TBC1D7: variants seen among roughly 807,000 people sequenced by gnomAD.
The protein encoded by TBC1D7 is TBC1 domain family member 7, also known as TBC domain family 7.
Under a neutral mutation model 35.3 loss-of-function variants are expected in TBC1D7, and 33 were observed. The ratio of observed to expected loss-of-function variants is 0.93; its 90% CI spans 0.71 to 1.25. TBC1D7 has a LOEUF of 1.25. TBC1D7 is among the 50% of genes most tolerant of loss of function. TBC1D7 has a pLI of 0.00. For missense variants in TBC1D7, 362 were observed against 365.3 expected, an observed-to-expected ratio of 0.99 and a Z score of 0.07; for synonymous variants, 135 against 129.5, an observed-to-expected ratio of 1.04 and a Z score of -0.29.
chr6:13,309,222 A>T (rs1783023894), intron 5 of TBC1D7, among the ~76,000 whole-genome samples: 1 of 152,242 alleles, frequency 6.6e-6, no homozygotes, highest in Non-Finnish European at 1.5e-5. Context: ...TTGAAAACAC[A>T]CACACAGAGT....
intron 5 of TBC1D7, among the ~76,000 whole-genome samples, chr6:13,310,292 C>T (rs1783101478): frequency 6.6e-6 from 1 of 152,214 alleles, no homozygotes; most frequent in Admixed American, 6.5e-5. Context: ...ACAATAAAGA[C>T]AGGTTGAATA....
intron 2 of TBC1D7, among the ~76,000 whole-genome samples, chr6:13,325,540 G>A (rs1307313041): frequency 6.6e-6 from 1 of 152,200 alleles, no homozygotes; most frequent in Non-Finnish European, 1.5e-5. Context: ...GCACACACCT[G>A]TGATCCCAGC....
intron 4 of TBC1D7, 77 bp from the exon 5 acceptor site, chr6:13,316,785 C>A: frequency 1.3e-6 from 2 of 1,535,998 alleles, no homozygotes; most frequent in Non-Finnish European, 1.8e-6. Context: ...AAAAATGAAA[C>A]CTTGCTCCCT....
chr6:13,326,735 G>C lies in TBC1D7; in HGVS notation c.112+52C>G, dbSNP rs190851240. On this transcript the variant is annotated intron_variant, in intron 2 of 7. Coordinates refer to ENST00000379300, the MANE Select transcript of TBC1D7 (RefSeq NM_016495.6). ...GTCTTTTAAGAAAATATTTACTTCA[G>C]AACATGTGGAGTGATTGAGAACCAA... The C allele has an allele frequency of 5.8e-5, 68 of 1,180,940 alleles. No homozygotes were observed. In the African/African-American group the frequency reaches 6.0e-4, roughly 10 times the overall value. The allele number at this position is 1,180,940 out of a possible 1,614,324, so 73.2% of individuals were successfully genotyped here.
At chr6:13,317,832 T>C (rs1270929995) in intron 4 of TBC1D7, among the ~76,000 whole-genome samples, 2 of 152,236 alleles carry the variant, frequency 1.3e-5, no homozygotes, top group African/African-American at 2.4e-5. Flanking sequence ...CTCTTATTAA[T>C]GGATTAAAAA....
intron 5 of TBC1D7, among the ~76,000 whole-genome samples, chr6:13,309,310 C>T (rs1783031388): frequency 6.6e-6 from 1 of 152,172 alleles, no homozygotes; most frequent in Non-Finnish European, 1.5e-5. Flanking sequence ...GATGTGTGAA[C>T]ATTTTAAAAC....
chr6:13,309,907 G>A (rs1783074027), intron 5 of TBC1D7, among the ~76,000 whole-genome samples: 1 of 152,140 alleles, frequency 6.6e-6, no homozygotes, highest in Non-Finnish European at 1.5e-5. Context: ...AAATGCACCT[G>A]CCTCTTACCC....
chr6:13,327,865 T>G lies in TBC1D7; in HGVS notation c.-9+431A>C, dbSNP rs373109759. 6 of 152,058 alleles carry G rather than the reference T, an allele frequency of 3.9e-5. No homozygotes were observed. The East Asian group carries it at 5.8e-4, about 15-fold the overall frequency. The allele number at this position is 152,058 out of a possible 1,614,324, so 9.4% of individuals were successfully genotyped here. A position where few individuals can be genotyped will look rare whatever the true frequency, so the allele number is the denominator to read the frequency against. Reference sequence around the variant, plus strand: ...CTTCCAGCGTCTGTGCACAAAAGAGTAAATCTTTAGGTTTAAAAACCCTGC... The same window carrying G: ...CTTCCAGCGTCTGTGCACAAAAGAGGAAATCTTTAGGTTTAAAAACCCTGC... On this transcript the variant is annotated intron_variant, in intron 1 of 7. Transcript: ENST00000379300.
At chr6:13,311,490 T>G (rs1177047956) in intron 5 of TBC1D7, among the ~76,000 whole-genome samples, 2 of 152,208 alleles carry the variant, frequency 1.3e-5, no homozygotes, top group Non-Finnish European at 2.9e-5. Flanking sequence ...CAACCTAAAC[T>G]GTGTGTTATA....
chr6:13,327,845 A>C (rs1176473690), intron 1 of TBC1D7: 3 of 152,242 alleles, frequency 2.0e-5, no homozygotes, highest in African/African-American at 7.2e-5. Context: ...AAATGCTTCC[A>C]GCGTCTGTGC....
At chr6:13,318,033 T>A (rs1783759429) in intron 4 of TBC1D7, 2 of 152,722 alleles carry the variant, frequency 1.3e-5, no homozygotes, top group African/African-American at 4.8e-5. Context: ...GGAACGGGAC[T>A]GGTGGCTTCC....
chr6:13,316,920 A>T (rs1369941208), intron 4 of TBC1D7, among the ~76,000 whole-genome samples: 1 of 152,202 alleles, frequency 6.6e-6, no homozygotes, highest in Non-Finnish European at 1.5e-5. Flanking sequence ...CTTATGAATG[A>T]CCAGGTTTCA....
At chr6:13,316,301 G>A (rs1164801648) in intron 5 of TBC1D7, among the ~76,000 whole-genome samples, 2 of 152,230 alleles carry the variant, frequency 1.3e-5, no homozygotes, top group South Asian at 2.1e-4. Flanking sequence ...GCCTGCAGCA[G>A]AGCAAATCCA....
At chr6:13,308,778 G>A (rs150986087) in intron 5 of TBC1D7, among the ~76,000 whole-genome samples, 1 of 148,564 alleles carries the variant, frequency 6.7e-6, no homozygotes, top group African/African-American at 2.5e-5. Flanking sequence ...CACAATGAAT[G>A]GAGTGAAAGG....
intron 1 of TBC1D7, chr6:13,327,847 C>T (rs1028727418): frequency 6.6e-6 from 1 of 152,194 alleles, no homozygotes; most frequent in South Asian, 2.1e-4. Flanking sequence ...ATGCTTCCAG[C>T]GTCTGTGCAC....
At chr6:13,309,288 A>G (rs1187116220) in intron 5 of TBC1D7, among the ~76,000 whole-genome samples, 3 of 152,250 alleles carry the variant, frequency 2.0e-5, no homozygotes, top group African/African-American at 7.2e-5. Flanking sequence ...TACAAATAAT[A>G]AACAAGATGG....
At chr6:13,322,796 G>A (rs560359747) in intron 3 of TBC1D7, among the ~76,000 whole-genome samples, 6 of 152,226 alleles carry the variant, frequency 3.9e-5, no homozygotes, top group East Asian at 1.9e-4. Flanking sequence ...CCTACATCTC[G>A]GCTAATACAG....
intron 3 of TBC1D7, among the ~76,000 whole-genome samples, chr6:13,321,817 G>T (rs1392691573): frequency 6.6e-6 from 1 of 151,990 alleles, no homozygotes; most frequent in African/African-American, 2.4e-5. Context: ...GCAGGAAATG[G>T]GATAAGCATT....
chr6:13,311,557 C>T (rs554685763), intron 5 of TBC1D7, among the ~76,000 whole-genome samples: 5 of 152,176 alleles, frequency 3.3e-5, no homozygotes, highest in East Asian at 3.9e-4. Flanking sequence ...CACTTGATGC[C>T]GAAATCAAAC....
Sources: allele counts gnomAD v4.1 joint callset (sites outside exome capture counted in the v4.1 genomes callset), GRCh38; gene constraint gnomAD v4.1.1; transcripts MANE v1.5; gene names NCBI Gene and HGNC (gene_info 2026-07-23, HGNC 2026-07-21).